ZC2HC1B: variants seen among roughly 807,000 people sequenced by gnomAD.
ZC2HC1B encodes the protein zinc finger C2HC-type containing 1B, also known as zinc finger C2HC domain-containing protein 1B.
ZC2HC1B carries 36 observed loss-of-function variants against 31.0 expected under a neutral mutation model. The observed-to-expected ratio is 1.16, with a 90% CI of 0.89 to 1.54. The LOEUF is 1.54. Among genes scored for constraint, ZC2HC1B ranks in the 40% most tolerant of loss-of-function variants. The pLI, the probability that ZC2HC1B is intolerant of heterozygous loss-of-function variation, is 0.00. For synonymous variants in ZC2HC1B, 73 were observed against 88.0 expected, an observed-to-expected ratio of 0.83 and a Z score of 0.95; for missense variants, 260 against 268.6, an observed-to-expected ratio of 0.97 and a Z score of 0.22.
chr6:143,937,981 T>G (rs1259932296), intron 7 of ZC2HC1B, among the ~76,000 whole-genome samples, 161 bp from the exon 8 acceptor site: 3 of 152,226 alleles, frequency 2.0e-5, no homozygotes, highest in Admixed American at 6.5e-5. Context: ...GTTACTGCCT[T>G]TTCCCTTTTT....
Position 143,903,200 on chromosome 6 carries a change from A to G in ZC2HC1B, c.598+48A>G, listed in dbSNP as rs1241658593. The G allele has an allele frequency of 1.3e-6, 2 of 1,500,376 alleles. No individual in the cohort carries two copies. Among genetic ancestry groups the G allele is most frequent in the Non-Finnish European group, 1.8e-6 (2 of 1,100,270 alleles). 92.9% of individuals were successfully genotyped at this position (1,500,376 alleles called of 1,614,324 possible). On this transcript the variant is annotated intron_variant, in intron 6 of 7. Transcript: ENST00000237275. The surrounding 1 kb of genome is among the most constrained non-coding windows in gnomAD (Gnocchi z 4.3). ...TCTCTCAAATGATGGGGGTCAGAGG[A>G]GATCACTGTTGGGTTTGGGATTCAC...
At position 143,911,461 on chromosome 6, in the gene ZC2HC1B, T is replaced by G. The variant is rs1287157756; in HGVS notation, c.598+8309T>G. Among the ~76,000 whole-genome samples the G allele has an allele frequency of 2.0e-5, 3 of 152,244 alleles. No homozygotes were observed. Among genetic ancestry groups the G allele is most frequent in the African/African-American group, 7.2e-5 (3 of 41,468 alleles). On this transcript the variant is annotated intron_variant, in intron 6 of 7. Transcript: ENST00000237275. This position sits in a 1 kb window ranked among gnomAD's most constrained non-coding sequence, Gnocchi z 4.5. ...TTCAGGAGCTCTTGCAAGGCAGGTC[T>G]GGTGGTAACAAATTCCCTCATCATT...
At chr6:143,879,602 G>A (rs985625043) in intron 1 of ZC2HC1B, among the ~76,000 whole-genome samples, 2 of 152,158 alleles carry the variant, frequency 1.3e-5, no homozygotes, top group Non-Finnish European at 2.9e-5. Flanking sequence ...ATCTGAATGA[G>A]AAAGTGTCTT....
Position 143,915,617 on chromosome 6 carries a change from C to T in ZC2HC1B, c.598+12465C>T, listed in dbSNP as rs1224560814. On this transcript the variant is annotated intron_variant, in intron 6 of 7. Coordinates refer to ENST00000237275, the MANE Select transcript of ZC2HC1B (RefSeq NM_001013623.3). The surrounding 1 kb of genome is among the most constrained non-coding windows in gnomAD (Gnocchi z 5.2). Reference sequence around the variant, plus strand: ...TTTGACCAAAATGTTGATAGTGATACGGACAATGAAATCCAGGCTGAAGTG... The same window carrying T: ...TTTGACCAAAATGTTGATAGTGATATGGACAATGAAATCCAGGCTGAAGTG... Among the ~76,000 whole-genome samples the T allele has an allele frequency of 9.9e-5, 15 of 152,244 alleles. No homozygotes were observed. The highest frequency in any genetic ancestry group is 1.9e-4 in the East Asian group (1 of 5,180).
Position 143,911,466 on chromosome 6 carries a change from G to A in ZC2HC1B, c.598+8314G>A, listed in dbSNP as rs1209691927. On this transcript the variant is annotated intron_variant, in intron 6 of 7. Transcript: ENST00000237275. This position sits in a 1 kb window ranked among gnomAD's most constrained non-coding sequence, Gnocchi z 4.5. Reference sequence around the variant, plus strand: ...GAGCTCTTGCAAGGCAGGTCTGGTGGTAACAAATTCCCTCATCATTTGCTT... The same window carrying A: ...GAGCTCTTGCAAGGCAGGTCTGGTGATAACAAATTCCCTCATCATTTGCTT... Among the ~76,000 whole-genome samples, 1 of 152,150 alleles carries A rather than the reference G, an allele frequency of 6.6e-6. No homozygotes were observed. Among genetic ancestry groups the A allele is most frequent in the Non-Finnish European group, 1.5e-5 (1 of 68,028 alleles).
At chr6:143,864,871 A>C (rs1392768185) in intron 1 of ZC2HC1B, among the ~76,000 whole-genome samples, 1 of 152,238 alleles carries the variant, frequency 6.6e-6, no homozygotes, top group Non-Finnish European at 1.5e-5. Flanking sequence ...AATATTGAGA[A>C]TGTAAGTACT....
At chr6:143,878,169 T>A (rs536538867) in intron 1 of ZC2HC1B, among the ~76,000 whole-genome samples, 1 of 150,972 alleles carries the variant, frequency 6.6e-6, no homozygotes, top group Non-Finnish European at 1.5e-5. Flanking sequence ...AGTTGAGTCA[T>A]TCAGCACATT....
intron 6 of ZC2HC1B, among the ~76,000 whole-genome samples, chr6:143,910,454 G>A (rs1777843776): frequency 6.6e-6 from 1 of 152,184 alleles, no homozygotes; most frequent in East Asian, 1.9e-4. Flanking sequence ...GTTTTGGGGT[G>A]GAGAGTTCTT....
chr6:143,920,638 T>C (rs6570590), intron 6 of ZC2HC1B, among the ~76,000 whole-genome samples: 102,552 of 151,908 alleles, frequency 0.68, 35,608 homozygotes, highest in African/African-American at 0.84. Context: ...CGGCTGGGCG[T>C]GGTGGCTCAC....
In ZC2HC1B at chr6:143,886,022, C is replaced by A; in HGVS notation, c.91-10C>A. On this transcript the variant is annotated splice_polypyrimidine_tract_variant and intron_variant, in intron 2 of 7. Transcript: ENST00000237275. The surrounding 1 kb of genome is among the most constrained non-coding windows in gnomAD (Gnocchi z 4.2). ...TTTAGAAATTCCAATCCCTACTCTT[C>A]GTTTTCTAGGAAAGGCATGGACCAA... The A allele has an allele frequency of 6.6e-7, 1 of 1,515,232 alleles. No individual in the cohort carries two copies. The highest frequency in any genetic ancestry group is 1.3e-5 in the South Asian group (1 of 77,184). 93.9% of individuals were successfully genotyped at this position (1,515,232 alleles called of 1,614,324 possible). A position where few individuals can be genotyped will look rare whatever the true frequency, so the allele number is the denominator to read the frequency against.
chr6:143,866,686 T>G (rs1777268086), intron 1 of ZC2HC1B, among the ~76,000 whole-genome samples: 1 of 152,238 alleles, frequency 6.6e-6, no homozygotes, highest in South Asian at 2.1e-4. Flanking sequence ...TGTTACATTT[T>G]CAATAATTTT....
chr6:143,891,309 A>G (rs1429666718), intron 4 of ZC2HC1B, among the ~76,000 whole-genome samples: 7 of 152,092 alleles, frequency 4.6e-5, no homozygotes, highest in Non-Finnish European at 1.0e-4. Flanking sequence ...GGTTTGGAAG[A>G]CTCAAGATTG....
At chr6:143,898,403 C>T in intron 4 of ZC2HC1B, 149 bp from the exon 5 acceptor site, 2 of 1,009,362 alleles carry the variant, frequency 2.0e-6, no homozygotes, top group South Asian at 1.7e-5. Flanking sequence ...TCAAGCAGTC[C>T]ACTCACCTCA....
intron 1 of ZC2HC1B, among the ~76,000 whole-genome samples, chr6:143,882,334 T>TTTTTATATATA (rs1554237237): frequency 1.2e-5 from 1 of 85,554 alleles, no homozygotes; most frequent in East Asian, 3.4e-4. Flanking sequence ...TTTATATTTT[T>TTTTTATATATA]TATATATATA....
chr6:143,925,379 G>T (rs1670928948), intron 6 of ZC2HC1B, among the ~76,000 whole-genome samples: 1 of 151,284 alleles, frequency 6.6e-6, no homozygotes, highest in Non-Finnish European at 1.5e-5. Context: ...GTTTCACTTT[G>T]TTAGCCAGGA....
chr6:143,934,117 A>C lies in ZC2HC1B; in HGVS notation c.599-3532A>C, dbSNP rs1430878623. Among the ~76,000 whole-genome samples, 1 of 152,184 alleles carries C rather than the reference A, an allele frequency of 6.6e-6. No homozygotes were observed. The highest frequency in any genetic ancestry group is 1.5e-5 in the Non-Finnish European group (1 of 68,044). ...AGGTAAGGCTAAATTCTTCTCCCGT[A>C]ATCTGGATTTTTCAGGTTCCTCAGT... On this transcript the variant is annotated intron_variant, in intron 6 of 7. Transcript: ENST00000237275. The surrounding 1 kb of genome is among the most constrained non-coding windows in gnomAD (Gnocchi z 4.6).
At chr6:143,919,124 T>C (rs557613109) in intron 6 of ZC2HC1B, among the ~76,000 whole-genome samples, 25 of 152,264 alleles carry the variant, frequency 1.6e-4, no homozygotes, top group Admixed American at 3.3e-4. Context: ...TTGTCTGGCT[T>C]GTCATTTTCT....
chr6:143,935,985 ATT>A (rs1778173880), intron 6 of ZC2HC1B, among the ~76,000 whole-genome samples: 1 of 152,110 alleles, frequency 6.6e-6, no homozygotes, highest in Non-Finnish European at 1.5e-5. Context: ...GGTATCATAT[ATT>A]ATAAATCTAG....
intron 6 of ZC2HC1B, among the ~76,000 whole-genome samples, chr6:143,914,141 GTTC>G (rs1399213734): frequency 6.6e-6 from 1 of 151,010 alleles, no homozygotes; most frequent in African/African-American, 2.4e-5. Context: ...GATTTCATTT[GTTC>G]TTCTCGCATT....
Sources: gnomAD v4.1 joint callset for allele counts (sites outside exome capture counted in the v4.1 genomes callset) on GRCh38, gnomAD v4.1.1 for gene constraint, Gnocchi (gnomAD v3.1) non-coding constraint, MANE v1.5 for transcripts, NCBI Gene and HGNC (gene_info 2026-07-23, HGNC 2026-07-21) for gene names.